The following NPAS4 variants were observed in gnomAD, a reference collection of about 807,000 sequenced individuals.
The protein encoded by NPAS4 is neuronal PAS domain protein 4, also known as neuronal PAS domain-containing protein 4.
A neutral mutation model predicts 64.0 loss-of-function variants in NPAS4; 10 were observed. The observed-to-expected ratio is 0.16, with a 90% confidence interval of 0.10 to 0.26. The LOEUF is 0.26. NPAS4 is among the 10% of genes least tolerant of loss of function. The pLI is 1.00. For synonymous variants in NPAS4, 441 were observed against 411.7 expected (o/e 1.07, Z -0.86); for missense variants, 886 against 992.6 (o/e 0.89, Z 1.44).
chr11:66,425,051 G>C lies in NPAS4; in HGVS notation c.2161G>C (p.Asp721His). The C allele has an allele frequency of 6.2e-7, 1 of 1,610,680 alleles. No individual in the cohort carries two copies. The highest frequency in any genetic ancestry group is 2.2e-5 in the East Asian group (1 of 44,822). ...CATCTTCATGGATCTCTCTACCCCA[G>C]ATCCCAGTGAGGAATGGGGCTCAGG... ...EDIFMDLSTP[D>H]PSEEWGSGDP... The change falls in exon 7 of 8, where the codon GAT becomes CAT. Residue 721 changes from aspartate (D) to histidine (H), a missense_variant. Transcript: ENST00000311034.
At chr11:66,415,452 C>T in the NPAS4 span, among the ~76,000 whole-genome samples, 14 of 152,236 alleles carry the variant, frequency 9.2e-5, no homozygotes, top group Admixed American at 2.0e-4. Flanking sequence ...AAGGATGGCA[C>T]GCTTTTTCTC....
chr11:66,410,740 C>G, the NPAS4 span: 1 of 152,338 alleles, frequency 6.6e-6, no homozygotes, highest in Non-Finnish European at 1.5e-5. Context: ...TTTCAAGGGC[C>G]GTCACTCCAA....
chr11:66,413,564 C>G, the NPAS4 span, among the ~76,000 whole-genome samples: 1,444 of 152,342 alleles, frequency 9.5e-3, 13 homozygotes, highest in Non-Finnish European at 0.016. Flanking sequence ...AGAGGCTGCC[C>G]TCTCTCCACT....
chr11:66,411,694 C>T, the NPAS4 span, among the ~76,000 whole-genome samples: 3 of 152,350 alleles, frequency 2.0e-5, no homozygotes, highest in East Asian at 5.8e-4. Flanking sequence ...GTAAGGGTCA[C>T]TCTCCCCTGC....
chr11:66,418,972 G>C (rs1166713968), upstream of NPAS4, among the ~76,000 whole-genome samples: 1 of 152,120 alleles, frequency 6.6e-6, no homozygotes, highest in Non-Finnish European at 1.5e-5. Context: ...TATTGTGGAG[G>C]GGGACACTCA....
chr11:66,422,980 C>T (rs1178109766), intron 4 of NPAS4, 39 bp downstream of exon 4: 1 of 1,592,314 alleles, frequency 6.3e-7, no homozygotes, highest in Admixed American at 1.7e-5. Flanking sequence ...GAAAGGCAGG[C>T]CAGAGATGAA....
At chr11:66,413,219 G>A in the NPAS4 span, among the ~76,000 whole-genome samples, 3 of 152,252 alleles carry the variant, frequency 2.0e-5, no homozygotes, top group Non-Finnish European at 4.4e-5. Context: ...CAGAGGAGAC[G>A]ATATTTAGGC....
chr11:66,417,235 T>C (rs1725596189), upstream of NPAS4: 1 of 152,152 alleles, frequency 6.6e-6, no homozygotes, highest in Non-Finnish European at 1.5e-5. Context: ...TGATATTTTT[T>C]TCTCTCTCTC....
In NPAS4 at chr11:66,423,809, C is replaced by G. The variant is rs761864388; in HGVS notation, c.945-26C>G. The stretch of plus-strand genomic sequence containing the variant: ...TCTGGATATGGACGTCGGACCCTTA[C>G]CAGCTGCCTCTTCTCTCCTCTCCAG... On this transcript the variant is annotated intron_variant, in intron 6 of 7. Coordinates refer to ENST00000311034, the MANE Select transcript of NPAS4 (RefSeq NM_178864.4). 3 of 1,600,736 alleles carry G rather than the reference C, an allele frequency of 1.9e-6. No individual in the cohort carries two copies. The South Asian group carries it at 3.4e-5, about 18-fold the overall frequency.
Position 66,422,579 on chromosome 11 carries a change from G to A in NPAS4, c.430+26G>A, listed in dbSNP as rs374607165. On this transcript the variant is annotated intron_variant, in intron 3 of 7. Coordinates refer to ENST00000311034, the MANE Select transcript of NPAS4 (RefSeq NM_178864.4). ...GTAAGGACTCCCTTCTCCCTTCCTC[G>A]GTCCAATTTCCCACCTGCTGCCCTT... 42 of 1,604,350 alleles carry A rather than the reference G, an allele frequency of 2.6e-5. No individual in the cohort carries two copies. The African/African-American group carries it at 3.5e-4, about 13-fold the overall frequency.
chr11:66,421,090 CGG>C lies in NPAS4; in HGVS notation c.-87_-86del. ...GCAGAGAGCGAGCCTGAGCGAGAGACGGGGAAGCACGGAGGAGGAAGCCGCCG... is the reference window on the plus strand; with the variant it reads ...GCAGAGAGCGAGCCTGAGCGAGAGACGGAAGCACGGAGGAGGAAGCCGCCG... On this transcript the variant is annotated 5_prime_UTR_variant, in exon 1 of 8. Coordinates refer to ENST00000311034, the MANE Select transcript of NPAS4 (RefSeq NM_178864.4). 1 of 1,137,794 alleles carries C rather than the reference CGG, an allele frequency of 8.8e-7. No homozygotes were observed. Among genetic ancestry groups the C allele is most frequent in the East Asian group, 2.6e-5 (1 of 38,812 alleles). 70.5% of individuals were successfully genotyped at this position (1,137,794 alleles called of 1,614,324 possible).
intron 7 of NPAS4, 143 bp from the exon 8 acceptor site, chr11:66,425,817 CT>C (rs1856831422): frequency 4.6e-6 from 3 of 654,166 alleles, no homozygotes; most frequent in South Asian, 3.6e-5. Flanking sequence ...AAATTGCCCC[CT>C]AATCTACTGA....
chr11:66,423,971 C>T lies in NPAS4; in HGVS notation c.1081C>T (p.Pro361Ser), dbSNP rs757687027. Residue 361 changes from proline to serine, a missense_variant, in exon 7 of 8, where the codon CCA becomes TCA. Physicochemically the swap from Pro to Ser is moderately conservative, Grantham distance 74. This residue lies in a region of NPAS4 where 820 missense variants were observed against 855.5 expected (regional missense o/e 0.96). Transcript: ENST00000311034. The stretch of plus-strand genomic sequence containing the variant: ...CCAGGAAGAGTGCTCCAGCACTAAC[C>T]CACTCTTCACCGCAGCACTGGGGGC... ...LSQEECSSTN[P>S]LFTAALGAPR... 1 of 1,614,080 alleles carries T rather than the reference C, an allele frequency of 6.2e-7. No individual in the cohort carries two copies. Among genetic ancestry groups the T allele is most frequent in the South Asian group, 1.1e-5 (1 of 91,082 alleles).
chr11:66,410,128 A>T, the NPAS4 span: 1 of 152,256 alleles, frequency 6.6e-6, no homozygotes, highest in Non-Finnish European at 1.5e-5. Context: ...GCCCGGTCCT[A>T]TTGACCTCTG....
chr11:66,425,257 C>T lies in NPAS4; in HGVS notation c.2367C>T (p.Asp789=), dbSNP rs1856821926. ...ATCAACTCCAGAGCCAAGTTCAAGA[C>T]AGCTTCCATGAAGGTGAGTCAGCCA... The part of the protein sequence containing the change: ...ELHQLQSQVQ[D]SFHEDGSGGE... The change falls in exon 7 of 8, where the codon GAC becomes GAT. Residue 789 remains aspartate, a synonymous_variant. Coordinates refer to ENST00000311034, the MANE Select transcript of NPAS4 (RefSeq NM_178864.4). The T allele has an allele frequency of 6.6e-7, 1 of 1,504,062 alleles. No individual in the cohort carries two copies. The highest frequency in any genetic ancestry group is 8.9e-7 in the Non-Finnish European group (1 of 1,127,700). The allele number at this position is 1,504,062 out of a possible 1,614,324, so 93.2% of individuals were successfully genotyped here. A position where few individuals can be genotyped will look rare whatever the true frequency, so the allele number is the denominator to read the frequency against.
the NPAS4 span, among the ~76,000 whole-genome samples, chr11:66,411,338 C>T: frequency 1.4e-4 from 21 of 152,154 alleles, no homozygotes; most frequent in East Asian, 9.6e-4. Context: ...TGCCATTTTG[C>T]AAATACAAAA....
chr11:66,413,793 C>T, the NPAS4 span, among the ~76,000 whole-genome samples: 1 of 152,180 alleles, frequency 6.6e-6, no homozygotes, highest in Non-Finnish European at 1.5e-5. Context: ...CAGGGTCACC[C>T]CTCCTTTTGC....
At position 66,426,647 on chromosome 11, in the gene NPAS4, C is replaced by T. The variant is rs960674143; in HGVS notation, c.*658C>T. 4 of 152,994 alleles carry T rather than the reference C, an allele frequency of 2.6e-5. No individual in the cohort carries two copies. The highest frequency in any genetic ancestry group is 6.5e-5 in the Admixed American group (1 of 15,314). The allele number at this position is 152,994 out of a possible 1,614,324, so 9.5% of individuals were successfully genotyped here. The stretch of plus-strand genomic sequence containing the variant: ...CCTGGGCCTGCCCAGATGGCCACCT[C>T]GTGGTGCTGCGGTGACTTTGTAGCC... On this transcript the variant is annotated 3_prime_UTR_variant, in exon 8 of 8. Coordinates refer to ENST00000311034, the MANE Select transcript of NPAS4 (RefSeq NM_178864.4).
Position 66,423,709 on chromosome 11 carries a change from A to G in NPAS4, c.940A>G (p.Ile314Val). 6.2e-7 allele frequency: 1 copy of G among 1,614,134 alleles called. No homozygotes were observed. ...ACCCATTACTGCCAATAACTACCCA[A>G]TCAGGTAAGCCACAAGCCAGGGGAC... ...EGPITANNYP[I>V]SDMEAWSLRQ... is the part of the protein sequence containing the mutation. The change falls in exon 6 of 8, where the codon ATC becomes GTC. Residue 314 changes from isoleucine (I) to valine (V), a missense_variant. Physicochemically the swap from Ile to Val is conservative, Grantham distance 29 (BLOSUM62 3). Around this residue, in one of 3 missense-constraint regions of NPAS4, gnomAD observed 820 missense variants for 855.5 expected, o/e 0.96. Transcript: ENST00000311034.
Sources: allele counts gnomAD v4.1 joint callset (sites outside exome capture counted in the v4.1 genomes callset), GRCh38; gene constraint gnomAD v4.1.1; regional missense constraint gnomAD v4.1.1; transcripts MANE v1.5; gene names NCBI Gene and HGNC (gene_info 2026-07-23, HGNC 2026-07-21).